TMC1: variants seen among roughly 807,000 people sequenced by gnomAD.
The protein encoded by TMC1 is transmembrane channel-like protein 1.
A neutral mutation model predicts 105.8 loss-of-function variants in TMC1; 84 were observed. That is an observed-to-expected ratio of 0.79 (90% CI 0.67 to 0.95). The LOEUF is 0.95. TMC1 is among the 40% of genes least tolerant of loss of function. The pLI is 0.00. For synonymous variants in TMC1, 315 were observed against 311.5 expected, an observed-to-expected ratio of 1.01 and a Z score of -0.12; for missense variants, 817 against 914.1, an observed-to-expected ratio of 0.89 and a Z score of 1.37.
intron 1 of TMC1, among the ~76,000 whole-genome samples, chr9:72,542,289 C>T (rs961544135): frequency 1.3e-5 from 2 of 152,022 alleles, no homozygotes; most frequent in African/African-American, 2.4e-5. Context: ...GGTGAAACCC[C>T]GTCTCTGCTA....
intron 13 of TMC1, among the ~76,000 whole-genome samples, chr9:72,783,803 G>C (rs1271934199): frequency 6.6e-6 from 1 of 152,072 alleles, no homozygotes; most frequent in African/African-American, 2.4e-5. Context: ...GACTCCCTGG[G>C]TCATACACAG....
intron 5 of TMC1, among the ~76,000 whole-genome samples, chr9:72,676,301 T>C (rs1157056845): frequency 6.6e-6 from 1 of 152,186 alleles, no homozygotes; most frequent in Non-Finnish European, 1.5e-5. Flanking sequence ...TTGTAGATGC[T>C]AAGGTATTAA....
rs796944373 is a variant in TMC1 at position 72,650,936 on chromosome 9, G to A, written c.16+2272G>A. 4.9e-3 allele frequency among the ~76,000 whole-genome samples: 416 copies of A among 84,530 alleles called. 1 individual carries two copies. The highest frequency in any genetic ancestry group is 0.015 in the African/African-American group (300 of 20,196). 55.5% of individuals were successfully genotyped at this position (84,530 alleles called of 152,430 possible). A position where few individuals can be genotyped will look rare whatever the true frequency, so the allele number is the denominator to read the frequency against. On this transcript the variant is annotated intron_variant, in intron 5 of 23. Transcript: ENST00000297784. ...TAGATATATATATAAATATATATAG[G>A]TATATATATGTCACATATATATATC...
chr9:72,705,509 G>A (rs910703948), intron 8 of TMC1, among the ~76,000 whole-genome samples: 24 of 152,330 alleles, frequency 1.6e-4, no homozygotes, highest in Admixed American at 3.9e-4. Flanking sequence ...AGAGGTCGCA[G>A]GGAGAGCTAC....
intron 12 of TMC1, among the ~76,000 whole-genome samples, 187 bp downstream of exon 12, chr9:72,755,071 G>GGAGAGAGAGAGA (rs55848138): frequency 7.9e-6 from 1 of 126,940 alleles, no homozygotes; most frequent in South Asian, 2.8e-4. Context: ...AGGGAGGGAG[G>GGAGAGAGAGAGA]GAGAGAGAGA....
intron 12 of TMC1, among the ~76,000 whole-genome samples, chr9:72,765,738 G>C (rs1003719533): frequency 5.3e-5 from 8 of 152,150 alleles, no homozygotes; most frequent in Non-Finnish European, 1.0e-4. Context: ...GCGCACCTGA[G>C]ATAGGAGGAA....
At chr9:72,809,341 A>C (rs1206935715) in intron 18 of TMC1, among the ~76,000 whole-genome samples, 1 of 152,200 alleles carries the variant, frequency 6.6e-6, no homozygotes, top group Admixed American at 6.5e-5. Context: ...AAAAAAGACA[A>C]GTTCCTGTTT....
intron 1 of TMC1, among the ~76,000 whole-genome samples, chr9:72,576,729 A>G (rs542695413): frequency 8.7e-5 from 13 of 149,526 alleles, no homozygotes; most frequent in African/African-American, 3.2e-4. Flanking sequence ...TCCCAACTTC[A>G]AGCGATTCTC....
At chr9:72,634,649 A>G (rs1825503756) in intron 4 of TMC1, among the ~76,000 whole-genome samples, 1 of 152,188 alleles carries the variant, frequency 6.6e-6, no homozygotes, top group African/African-American at 2.4e-5. Context: ...AGGTGGTTTC[A>G]TGGCCCCACT....
At chr9:72,706,561 A>T (rs1158586181) in intron 8 of TMC1, among the ~76,000 whole-genome samples, 4 of 152,096 alleles carry the variant, frequency 2.6e-5, no homozygotes, top group Admixed American at 2.6e-4. Context: ...GTAGTCTTTT[A>T]TCCCTCATCC....
At chr9:72,721,355 G>GCTGTTTT (rs1827022031) in intron 8 of TMC1, among the ~76,000 whole-genome samples, 1 of 152,168 alleles carries the variant, frequency 6.6e-6, no homozygotes, top group Admixed American at 6.5e-5. Context: ...CTGGCCTTTG[G>GCTGTTTT]AAGCTTAGGG....
intron 5 of TMC1, among the ~76,000 whole-genome samples, chr9:72,668,267 A>G (rs1038065811): frequency 3.3e-5 from 5 of 152,190 alleles, no homozygotes; most frequent in Non-Finnish European, 5.9e-5. Flanking sequence ...ATGAAAGCTG[A>G]TGGTCAGAAA....
chr9:72,644,739 A>G (rs1288774355), intron 4 of TMC1, among the ~76,000 whole-genome samples: 1 of 152,202 alleles, frequency 6.6e-6, no homozygotes, highest in Non-Finnish European at 1.5e-5. Flanking sequence ...AGTAATTTGC[A>G]TTAATCAAAA....
chr9:72,734,980 T>C (rs1045707023), intron 8 of TMC1, among the ~76,000 whole-genome samples: 2 of 152,232 alleles, frequency 1.3e-5, no homozygotes, highest in Non-Finnish European at 2.9e-5. Context: ...TTATCTATTC[T>C]GTAAGTTAGT....
intron 8 of TMC1, among the ~76,000 whole-genome samples, chr9:72,734,822 T>A (rs952342450): frequency 1.2e-4 from 18 of 152,212 alleles, no homozygotes; most frequent in African/African-American, 4.3e-4. Context: ...TCAATCATAC[T>A]ATCAAATTGA....
intron 10 of TMC1, among the ~76,000 whole-genome samples, chr9:72,749,302 AAG>A (rs1323311660): frequency 9.8e-5 from 15 of 152,312 alleles, no homozygotes; most frequent in African/African-American, 3.6e-4. Context: ...TTCATACTGG[AAG>A]ATCTTACATG....
chr9:72,806,825 G>A (rs1308992284), intron 18 of TMC1, among the ~76,000 whole-genome samples: 12 of 151,898 alleles, frequency 7.9e-5, no homozygotes, highest in African/African-American at 2.7e-4. Flanking sequence ...GACGATGGGC[G>A]GCCAGGCAGA....
intron 2 of TMC1, among the ~76,000 whole-genome samples, chr9:72,611,819 C>A (rs1489002630): frequency 6.6e-6 from 1 of 152,096 alleles, no homozygotes; most frequent in African/African-American, 2.4e-5. Flanking sequence ...AAAAGACCAC[C>A]CTGTGTTGAT....
intron 2 of TMC1, among the ~76,000 whole-genome samples, chr9:72,605,915 C>T (rs1264232205): frequency 6.6e-6 from 1 of 152,100 alleles, no homozygotes; most frequent in African/African-American, 2.4e-5. Context: ...AACTTAATCA[C>T]TTCTTTGAAG....
Sources: gnomAD v4.1 joint callset for allele counts (sites outside exome capture counted in the v4.1 genomes callset) on GRCh38, gnomAD v4.1.1 for gene constraint, MANE v1.5 for transcripts, NCBI Gene and HGNC (gene_info 2026-07-23, HGNC 2026-07-21) for gene names.